Variants in ZSCAN5A observed in about 807,000 individuals in gnomAD.
ZSCAN5A encodes zinc finger and SCAN domain containing 5A, also known as zinc finger and SCAN domain-containing protein 5A.
A neutral mutation model predicts 23.7 loss-of-function variants in ZSCAN5A; 12 were observed. That is an observed-to-expected ratio of 0.51 (90% CI 0.32 to 0.82). The LOEUF (loss-of-function observed/expected upper bound fraction) is 0.82. ZSCAN5A is among the 40% of genes least tolerant of loss of function. The probability of loss-of-function intolerance (pLI) is 0.03; values close to 1 mark genes in which losing one functional copy is unlikely to be tolerated. For missense variants in ZSCAN5A, 597 were observed against 617.9 expected (o/e 0.97, Z 0.36); for synonymous variants, 257 against 239.9 (o/e 1.07, Z -0.66).
intron 2 of ZSCAN5A, among the ~76,000 whole-genome samples, chr19:56,253,989 G>A (rs1263074470): frequency 6.6e-6 from 1 of 151,770 alleles, no homozygotes; most frequent in African/African-American, 2.4e-5. Context: ...GCTTCTGTTT[G>A]ACATTAAACA....
At chr19:56,310,242 G>A (rs2040951517) in intron 2 of ZSCAN5A, 1 of 152,298 alleles carries the variant, frequency 6.6e-6, no homozygotes, top group South Asian at 2.1e-4. Flanking sequence ...TGGACTGCCT[G>A]TGTGGAGGGT....
Position 56,302,184 on chromosome 19 carries a change from G to T in ZSCAN5A, c.-128+11099C>A, listed in dbSNP as rs961283329. Reference sequence around the variant, plus strand: ...GGGCACAGAGGAAGCGAAGGAGGGTGCCTCAGAGGTGCCAAGCAGGAAGTG... The same window carrying T: ...GGGCACAGAGGAAGCGAAGGAGGGTTCCTCAGAGGTGCCAAGCAGGAAGTG... On this transcript the variant is annotated intron_variant, in intron 2 of 5. Transcript: ENST00000683990. 9 of 997,694 alleles carry T rather than the reference G, an allele frequency of 9.0e-6. No individual in the cohort carries two copies. In the African/African-American group the frequency reaches 1.2e-4, roughly 13 times the overall value. 61.8% of individuals were successfully genotyped at this position (997,694 alleles called of 1,614,324 possible).
intron 2 of ZSCAN5A, among the ~76,000 whole-genome samples, chr19:56,355,913 A>G (rs2041698055): frequency 1.3e-5 from 2 of 148,928 alleles, no homozygotes; most frequent in Admixed American, 1.3e-4. Context: ...ACAGATTAGT[A>G]TTTGGGAAGA....
chr19:56,282,457 G>A (rs940779458), intron 2 of ZSCAN5A: 122 of 984,760 alleles, frequency 1.2e-4, no homozygotes, highest in South Asian at 8.5e-4. Flanking sequence ...GGCTACCATC[G>A]GTCCTGTCCT....
At chr19:56,366,503 G>C (rs956534050) in intron 1 of ZSCAN5A, among the ~76,000 whole-genome samples, 15 of 151,652 alleles carry the variant, frequency 9.9e-5, no homozygotes, top group Admixed American at 2.0e-4. Flanking sequence ...GGCCGAGGTG[G>C]CTCCAGTAGC....
chr19:56,239,979 T>C (rs368649624), intron 2 of ZSCAN5A, among the ~76,000 whole-genome samples: 32 of 152,024 alleles, frequency 2.1e-4, no homozygotes, highest in Middle Eastern at 3.4e-3. Flanking sequence ...CTGGCCAACA[T>C]GGTGAAACCC....
intron 2 of ZSCAN5A, among the ~76,000 whole-genome samples, chr19:56,265,594 T>C (rs1164924210): frequency 6.6e-6 from 1 of 151,666 alleles, no homozygotes; most frequent in Non-Finnish European, 1.5e-5. Context: ...GGACTTTGGC[T>C]AGCTTAAAAG....
At chr19:56,273,486 G>A (rs117391488) in intron 2 of ZSCAN5A, among the ~76,000 whole-genome samples, 8,328 of 122,666 alleles carry the variant, frequency 0.068, 304 homozygotes, top group Non-Finnish European at 0.11. Flanking sequence ...TGTCTTCATG[G>A]AATTCTCATG....
intron 1 of ZSCAN5A, among the ~76,000 whole-genome samples, chr19:56,363,605 G>A (rs1222002420): frequency 6.6e-6 from 1 of 152,198 alleles, no homozygotes; most frequent in Non-Finnish European, 1.5e-5. Context: ...CGTCCTGGCT[G>A]CTGAGGTGTC....
chr19:56,292,967 T>C (rs2039617849), intron 2 of ZSCAN5A, among the ~76,000 whole-genome samples: 3 of 152,300 alleles, frequency 2.0e-5, no homozygotes, highest in Non-Finnish European at 4.4e-5. Context: ...AATCATCCAC[T>C]GATTGAATTT....
intron 2 of ZSCAN5A, chr19:56,272,865 T>C (rs2037954179): frequency 2.0e-6 from 2 of 985,278 alleles, no homozygotes; most frequent in African/African-American, 1.7e-5. Flanking sequence ...TCTGAAAATG[T>C]CGCTGCTGAT....
At chr19:56,343,714 AC>A (rs1394262890) in intron 2 of ZSCAN5A, among the ~76,000 whole-genome samples, 1 of 152,218 alleles carries the variant, frequency 6.6e-6, no homozygotes, top group Non-Finnish European at 1.5e-5. Context: ...GACGTTCCCC[AC>A]GCTGGAGAGA....
At chr19:56,321,594 C>A in intron 2 of ZSCAN5A, 2 of 789,900 alleles carry the variant, frequency 2.5e-6, no homozygotes, top group South Asian at 2.7e-5. Context: ...GTGGCATCCC[C>A]ATATCTGGCA....
At chr19:56,304,658 C>G (rs1429369612) in intron 2 of ZSCAN5A, 1 of 327,368 alleles carries the variant, frequency 3.1e-6, no homozygotes, top group African/African-American at 2.3e-5. Context: ...ATGTTACAAC[C>G]AGAGGGAAAG....
At chr19:56,302,659 CT>C (rs201473643) in intron 2 of ZSCAN5A, among the ~76,000 whole-genome samples, 5,663 of 118,622 alleles carry the variant, frequency 0.048, 161 homozygotes, top group Middle Eastern at 0.069. Flanking sequence ...CCCCCCCTCC[CT>C]GTTCTTTCCT....
chr19:56,344,630 G>A (rs918308308), intron 2 of ZSCAN5A, among the ~76,000 whole-genome samples: 6 of 150,042 alleles, frequency 4.0e-5, no homozygotes, highest in South Asian at 2.1e-4. Flanking sequence ...ACGGCCGGGC[G>A]CAGTGGCTCA....
chr19:56,234,011 G>C (rs746553210), intron 2 of ZSCAN5A, among the ~76,000 whole-genome samples: 1 of 152,092 alleles, frequency 6.6e-6, no homozygotes, highest in Non-Finnish European at 1.5e-5. Flanking sequence ...AGGAATTTGA[G>C]ACCAGCCTGG....
Position 56,222,727 on chromosome 19 carries a change from C to T in ZSCAN5A, c.603G>A (p.Leu201=). The change falls in exon 5 of 6, where the codon CTG becomes CTA. Residue 201 remains leucine (L), a synonymous_variant. Transcript: ENST00000683990. The part of the protein sequence containing the change: ...ALSRRQGEDF[L]LHKSIDVTGD... ...CTGTTACGTCAATACTCTTGTGTAG[C>T]AGAAAGTCCTCTCCCTGAAGAGGAA... 1.2e-6 allele frequency: 2 copies of T among 1,614,112 alleles called. No homozygotes were observed. Among genetic ancestry groups the T allele is most frequent in the Non-Finnish European group, 1.7e-6 (2 of 1,180,026 alleles).
At position 56,223,690 on chromosome 19, in the gene ZSCAN5A, C is replaced by G. The variant is rs762640862; in HGVS notation, c.529G>C (p.Gly177Arg). Residue 177 changes from glycine (G) to arginine (R), a missense_variant, in exon 4 of 6, where the codon GGC becomes CGC. By Grantham distance (125) the Gly-to-Arg change is moderately radical (BLOSUM62 -2). Coordinates refer to ENST00000683990, the MANE Select transcript of ZSCAN5A (RefSeq NM_001322064.3). ...SSVNQMRPGE[G>R]QAHRELQILP... is the part of the protein sequence containing the mutation. ...ATCTGCAGCTCTCGGTGGGCCTGGC[C>G]TTCCCCTGGACGCATCTGGTTCACC... The G allele has an allele frequency of 1.2e-6, 2 of 1,608,754 alleles. No homozygotes were observed. The highest frequency in any genetic ancestry group is 1.7e-6 in the Non-Finnish European group (2 of 1,178,014).
Sources: allele counts gnomAD v4.1 joint callset (sites outside exome capture counted in the v4.1 genomes callset), GRCh38; gene constraint gnomAD v4.1.1; transcripts MANE v1.5; gene names NCBI Gene and HGNC (gene_info 2026-07-23, HGNC 2026-07-21).